Variants in HYAL4 observed in about 807,000 individuals in gnomAD.
HYAL4 encodes hyaluronidase-4.
A neutral mutation model predicts 35.2 loss-of-function variants in HYAL4; 37 were observed. That is an observed-to-expected ratio of 1.05 (90% CI 0.81 to 1.38). The LOEUF (loss-of-function observed/expected upper bound fraction) is 1.38. HYAL4 is among the 40% of genes most tolerant of loss of function. HYAL4 has a pLI of 0.00. For synonymous variants in HYAL4, 198 were observed against 203.2 expected (o/e 0.97, Z 0.22); for missense variants, 572 against 572.4 (o/e 1.00, Z 0.01).
upstream of HYAL4, among the ~76,000 whole-genome samples, chr7:123,844,054 C>T (rs557958954): frequency 2.0e-5 from 3 of 151,968 alleles, no homozygotes; most frequent in Admixed American, 6.6e-5. Flanking sequence ...TGAGGAGCTG[C>T]GATCCTTTGG....
At chr7:123,858,245 A>G (rs1283989157) in intron 2 of HYAL4, among the ~76,000 whole-genome samples, 1 of 152,162 alleles carries the variant, frequency 6.6e-6, no homozygotes, top group Non-Finnish European at 1.5e-5. Flanking sequence ...CCAAAAAGTG[A>G]AGAAAATTAT....
the HYAL4 span, among the ~76,000 whole-genome samples, chr7:123,772,496 G>T: frequency 6.6e-6 from 1 of 152,128 alleles, no homozygotes; most frequent in African/African-American, 2.4e-5. Flanking sequence ...ACAAATAACA[G>T]GATTTCCAAC....
At chr7:123,822,449 A>T in the HYAL4 span, among the ~76,000 whole-genome samples, 1 of 152,144 alleles carries the variant, frequency 6.6e-6, no homozygotes, top group Non-Finnish European at 1.5e-5. Flanking sequence ...ATGGCTCACT[A>T]TTAATAGATG....
chr7:123,812,853 A>G, the HYAL4 span, among the ~76,000 whole-genome samples: 1 of 152,124 alleles, frequency 6.6e-6, no homozygotes, highest in East Asian at 1.9e-4. Context: ...TTAAGATCCC[A>G]TGATTAGAGA....
upstream of HYAL4, among the ~76,000 whole-genome samples, chr7:123,843,664 A>G (rs1279795516): frequency 3.9e-5 from 6 of 151,924 alleles, no homozygotes; most frequent in Non-Finnish European, 5.9e-5. Context: ...CTTTTCACAT[A>G]GTCCCATATT....
chr7:123,877,214 T>C lies in HYAL4; in HGVS notation c.*59T>C. 1 of 1,480,526 alleles carries C rather than the reference T, an allele frequency of 6.8e-7. No individual in the cohort carries two copies. The highest frequency in any genetic ancestry group is 9.1e-7 in the Non-Finnish European group (1 of 1,098,192). The allele number at this position is 1,480,526 out of a possible 1,614,324, so 91.7% of individuals were successfully genotyped here. On this transcript the variant is annotated 3_prime_UTR_variant, in exon 5 of 5. Coordinates refer to ENST00000223026, the MANE Select transcript of HYAL4 (RefSeq NM_012269.3). ...TAGCCTAGTCATTTAAAGAAGGATG[T>C]AACTTATAACATTTTTTTTCTCTTA...
the HYAL4 span, among the ~76,000 whole-genome samples, chr7:123,770,264 A>G: frequency 6.6e-6 from 1 of 151,978 alleles, no homozygotes; most frequent in Non-Finnish European, 1.5e-5. Context: ...AACACCGTGA[A>G]ATCCCGTCTC....
At chr7:123,840,811 T>A (rs558093990), upstream of HYAL4, among the ~76,000 whole-genome samples, 64 of 152,178 alleles carry the variant, frequency 4.2e-4, no homozygotes, top group African/African-American at 1.5e-3. Context: ...TGTACAGGAA[T>A]GCTTGTGATT....
chr7:123,818,745 T>C, the HYAL4 span, among the ~76,000 whole-genome samples: 1 of 152,168 alleles, frequency 6.6e-6, no homozygotes. Flanking sequence ...GTCTTTTGTT[T>C]TATTTTTTGT....
At chr7:123,817,510 C>CTTTTTT in the HYAL4 span, among the ~76,000 whole-genome samples, 2 of 122,174 alleles carry the variant, frequency 1.6e-5, no homozygotes, top group Non-Finnish European at 3.3e-5. Flanking sequence ...CATTCTTCTT[C>CTTTTTT]TTTTTTTTTT....
At chr7:123,859,231 A>G (rs992159990) in intron 2 of HYAL4, among the ~76,000 whole-genome samples, 2 of 152,030 alleles carry the variant, frequency 1.3e-5, no homozygotes, top group Non-Finnish European at 2.9e-5. Flanking sequence ...AAGAACAATC[A>G]TTTTTTCATA....
At chr7:123,799,888 TG>T in the HYAL4 span, among the ~76,000 whole-genome samples, 1 of 151,880 alleles carries the variant, frequency 6.6e-6, no homozygotes, top group Non-Finnish European at 1.5e-5. Context: ...TGCCTGGACT[TG>T]GTAGCTCACG....
chr7:123,808,557 C>T, the HYAL4 span, among the ~76,000 whole-genome samples: 7 of 151,966 alleles, frequency 4.6e-5, no homozygotes, highest in African/African-American at 9.7e-5. Flanking sequence ...TCATTTTGGA[C>T]GCTGTCCTTG....
At chr7:123,765,554 T>C in the HYAL4 span, among the ~76,000 whole-genome samples, 1 of 152,140 alleles carries the variant, frequency 6.6e-6, no homozygotes. Context: ...TTTTCAGAAG[T>C]AAAATCTGCT....
At chr7:123,801,610 A>G in the HYAL4 span, among the ~76,000 whole-genome samples, 3 of 152,214 alleles carry the variant, frequency 2.0e-5, no homozygotes, top group African/African-American at 7.2e-5. Flanking sequence ...AAAATAAGGT[A>G]AGTAAATGTA....
At chr7:123,833,573 C>A (rs146292272) in intron 1 of HYAL4, among the ~76,000 whole-genome samples, 97 of 152,228 alleles carry the variant, frequency 6.4e-4, no homozygotes, top group Middle Eastern at 6.8e-3. Context: ...TGCAAAATCT[C>A]TTTAGTTTAA....
At chr7:123,764,129 C>T in the HYAL4 span, among the ~76,000 whole-genome samples, 5 of 152,212 alleles carry the variant, frequency 3.3e-5, no homozygotes, top group East Asian at 3.9e-4. Context: ...ACTACAGGAG[C>T]GCATCACCAC....
chr7:123,842,864 T>C (rs36925), upstream of HYAL4, among the ~76,000 whole-genome samples: 134,297 of 151,780 alleles, frequency 0.88, 59,793 homozygotes, highest in African/African-American at 0.95. Context: ...GATCCTCCTC[T>C]ATCCCTTTAT....
the HYAL4 span, among the ~76,000 whole-genome samples, chr7:123,792,253 CATT>C: frequency 2.6e-5 from 4 of 152,184 alleles, no homozygotes; most frequent in Admixed American, 2.6e-4. Flanking sequence ...TGCTTTTTAT[CATT>C]ATTTAGAACA....
Sources: allele counts gnomAD v4.1 joint callset (sites outside exome capture counted in the v4.1 genomes callset), GRCh38; gene constraint gnomAD v4.1.1; transcripts MANE v1.5; gene names NCBI Gene and HGNC (gene_info 2026-07-23, HGNC 2026-07-21).